Variants in PLAGL1 observed in about 807,000 individuals in gnomAD.
PLAGL1 encodes PLAG1 like zinc finger 1.
Under a neutral mutation model 4.6 loss-of-function variants are expected in PLAGL1, and 1 was observed. The observed-to-expected ratio is 0.22, with a 90% CI of 0.08 to 1.03. The LOEUF (loss-of-function observed/expected upper bound fraction) is 1.03, where lower values mean the gene tolerates loss of function less well. PLAGL1 is among the 50% of genes least tolerant of loss of function. The pLI is 0.58. For synonymous variants in PLAGL1, 240 were observed against 237.8 expected (o/e 1.01, Z -0.08); for missense variants, 464 against 570.4 (o/e 0.81, Z 1.90).
intron 1 of PLAGL1, among the ~76,000 whole-genome samples, chr6:144,031,120 A>T (rs181420586): frequency 1.3e-4 from 20 of 152,200 alleles, no homozygotes; most frequent in Admixed American, 1.3e-3. Flanking sequence ...GCATTTTTCC[A>T]TATGCTTGTT....
At chr6:143,987,534 G>C (rs1049571462) in intron 1 of PLAGL1, among the ~76,000 whole-genome samples, 3 of 138,000 alleles carry the variant, frequency 2.2e-5, no homozygotes, top group Non-Finnish European at 3.0e-5. Flanking sequence ...TCCCACCTTG[G>C]CCTCCCAAAG....
rs748199138 is a variant in PLAGL1, at chr6:144,063,557, C to T, written c.-151+911G>A. On this transcript the variant is annotated intron_variant, in intron 1 of 3. Coordinates refer to the PLAGL1 transcript ENST00000437412. This position sits in a 1 kb window ranked among gnomAD's most constrained non-coding sequence, Gnocchi z 5.7. ...AAACCCTGTCATATCATTATTTATT[C>T]CGTGAATACATCGGAGTTCTGTTCT... 6.6e-6 allele frequency among the ~76,000 whole-genome samples: 1 copy of T among 152,216 alleles called. No homozygotes were observed. Among genetic ancestry groups the T allele is most frequent in the Non-Finnish European group, 1.5e-5 (1 of 68,034 alleles).
At position 143,985,982 on chromosome 6, in the gene PLAGL1, T is replaced by TTA. The variant is rs55768066; in HGVS notation, c.-583-810_-583-809dup. Among the ~76,000 whole-genome samples, 11,591 of 111,272 alleles carry TTA rather than the reference T, an allele frequency of 0.1. 976 individuals are homozygous for TTA. The highest frequency in any genetic ancestry group is 0.19 in the African/African-American group (5,474 of 28,792). 73.0% of individuals were successfully genotyped at this position (111,272 alleles called of 152,430 possible). On this transcript the variant is annotated intron_variant, in intron 1 of 7. Coordinates refer to ENST00000674357, the MANE Select transcript of PLAGL1 (RefSeq NM_001317162.2). The surrounding 1 kb of genome is among the most constrained non-coding windows in gnomAD (Gnocchi z 4.4). ...TATATCAAATTATATATATATAAAA[T>TTA]TATATATATATATATATATATATAT...
Position 144,005,506 on chromosome 6 carries a change from A to G in PLAGL1, c.-584+2584T>C, listed in dbSNP as rs1440711493. 6.6e-6 allele frequency: 1 copy of G among 152,184 alleles called. No homozygotes were observed. The highest frequency in any genetic ancestry group is 2.4e-5 in the African/African-American group (1 of 41,472). The allele number at this position is 152,184 out of a possible 1,614,324, so 9.4% of individuals were successfully genotyped here. On this transcript the variant is annotated intron_variant, in intron 1 of 7. Transcript: ENST00000674357. This position sits in a 1 kb window ranked among gnomAD's most constrained non-coding sequence, Gnocchi z 4.6. ...CTGAAAATTAATTAAGCTTGATCTC[A>G]TAACATAAAATATATACATCTCAAT...
chr6:143,976,289 T>TC (rs2128593063), intron 2 of PLAGL1, among the ~76,000 whole-genome samples: 1 of 148,862 alleles, frequency 6.7e-6, no homozygotes, highest in African/African-American at 2.4e-5. Context: ...TCTTTTCTTT[T>TC]TTTTTTTTTT....
chr6:144,010,937 C>T (rs191831180), upstream of PLAGL1, among the ~76,000 whole-genome samples: 8 of 152,286 alleles, frequency 5.3e-5, no homozygotes, highest in African/African-American at 7.2e-5. The surrounding 1 kb of genome is among the most constrained non-coding windows in gnomAD (Gnocchi z 4.1). Flanking sequence ...CTTCGTTACA[C>T]CTTATACAAA....
At chr6:144,012,954 T>C (rs1052092366), upstream of PLAGL1, among the ~76,000 whole-genome samples, 3 of 152,242 alleles carry the variant, frequency 2.0e-5, no homozygotes, top group Admixed American at 2.0e-4. The surrounding 1 kb of genome is among the most constrained non-coding windows in gnomAD (Gnocchi z 4.8). Context: ...TGCATAATTT[T>C]CAAGGGAAGT....
At chr6:143,991,706 G>A (rs554846889) in intron 1 of PLAGL1, among the ~76,000 whole-genome samples, 1 of 152,284 alleles carries the variant, frequency 6.6e-6, no homozygotes, top group Middle Eastern at 3.4e-3. Flanking sequence ...CCTCTCCTAG[G>A]CTATGCTCCT....
At chr6:144,001,298 C>T (rs1792829278) in intron 1 of PLAGL1, among the ~76,000 whole-genome samples, 1 of 151,910 alleles carries the variant, frequency 6.6e-6, no homozygotes, top group Non-Finnish European at 1.5e-5. Flanking sequence ...TAGATAATAG[C>T]TCAAAGACTA....
rs1402759670 is a variant in PLAGL1 at position 143,968,423 on chromosome 6, A to G, written c.-472+484T>C. The G allele has an allele frequency of 1.3e-5, 2 of 152,146 alleles. No homozygotes were observed. The highest frequency in any genetic ancestry group is 2.9e-5 in the Non-Finnish European group (2 of 68,032). 9.4% of individuals were successfully genotyped at this position (152,146 alleles called of 1,614,324 possible). ...GACTCTGAATTGTAACATACGTTAC[A>G]TTCTAGATATCTGATTCTAAATGGT... On this transcript the variant is annotated intron_variant, in intron 3 of 7. Transcript: ENST00000674357. This position sits in a 1 kb window ranked among gnomAD's most constrained non-coding sequence, Gnocchi z 6.3.
At chr6:144,020,516 T>A (rs1795891310) in intron 1 of PLAGL1, among the ~76,000 whole-genome samples, 1 of 152,104 alleles carries the variant, frequency 6.6e-6, no homozygotes, top group African/African-American at 2.4e-5. Flanking sequence ...CTCGAACTCC[T>A]GACCTTGTAT....
Position 143,943,031 on chromosome 6 carries a change from A to ATTTTTTTTTTTTTTTTTTTTT in PLAGL1, c.153-369_153-368insAAAAAAAAAAAAAAAAAAAAA, listed in dbSNP as rs61216054. Among the ~76,000 whole-genome samples the ATTTTTTTTTTTTTTTTTTTTT allele has an allele frequency of 2.2e-4, 14 of 64,646 alleles. 1 individual carries two copies. The highest frequency in any genetic ancestry group is 6.8e-4 in the African/African-American group (13 of 19,114). The allele number at this position is 64,646 out of a possible 152,430, so 42.4% of individuals were successfully genotyped here. On this transcript the variant is annotated intron_variant, in intron 7 of 7. Coordinates refer to ENST00000674357, the MANE Select transcript of PLAGL1 (RefSeq NM_001317162.2). ...AGGCACACACCACCAGGCCTGGCTA[A>ATTTTTTTTTTTTTTTTTTTTT]TTTTTTTTTTTTTTTTTTTGAGACA...
At chr6:144,030,403 A>G (rs1796725397) in intron 1 of PLAGL1, among the ~76,000 whole-genome samples, 1 of 151,828 alleles carries the variant, frequency 6.6e-6, no homozygotes, top group Non-Finnish European at 1.5e-5. Context: ...TTGCATGAAT[A>G]AATTCTTTAG....
chr6:143,978,733 T>C lies in PLAGL1; in HGVS notation c.-544+6402A>G, dbSNP rs76061566. Among the ~76,000 whole-genome samples, 3,534 of 152,306 alleles carry C rather than the reference T, an allele frequency of 0.023. 127 individuals are homozygous for C. Among genetic ancestry groups the C allele is most frequent in the African/African-American group, 0.081 (3,356 of 41,570 alleles). Reference sequence around the variant, plus strand: ...TTGACTTATTTTCCCACCCAGAATATGGTCTATCTTGAAAAATGTTCTGGC... The same window carrying C: ...TTGACTTATTTTCCCACCCAGAATACGGTCTATCTTGAAAAATGTTCTGGC... On this transcript the variant is annotated intron_variant, in intron 2 of 7. Coordinates refer to ENST00000674357, the MANE Select transcript of PLAGL1 (RefSeq NM_001317162.2). This position sits in a 1 kb window ranked among gnomAD's most constrained non-coding sequence, Gnocchi z 4.6.
rs1055790935 is a variant in PLAGL1, at chr6:144,022,600, T to G, written c.-151+41868A>C. Among the ~76,000 whole-genome samples, 25 of 152,200 alleles carry G rather than the reference T, an allele frequency of 1.6e-4. No homozygotes were observed. Among genetic ancestry groups the G allele is most frequent in the African/African-American group, 5.8e-4 (24 of 41,452 alleles). On this transcript the variant is annotated intron_variant, in intron 1 of 3. Coordinates refer to the PLAGL1 transcript ENST00000437412. The surrounding 1 kb of genome is among the most constrained non-coding windows in gnomAD (Gnocchi z 4.2). The stretch of plus-strand genomic sequence containing the variant: ...GGATCTGGTGCTGGTAATTGAATCA[T>G]GGGGACAGGTCTTTCCCATGCTGTT...
intron 1 of PLAGL1, among the ~76,000 whole-genome samples, chr6:144,057,891 C>G (rs1799102513): frequency 6.6e-6 from 1 of 151,462 alleles, no homozygotes; most frequent in Admixed American, 6.6e-5. Context: ...ATTACTATTG[C>G]AGTTTTAACT....
At chr6:144,007,577 T>A (rs1794528624) in intron 1 of PLAGL1, 1 of 152,228 alleles carries the variant, frequency 6.6e-6, no homozygotes, top group Non-Finnish European at 1.5e-5. Flanking sequence ...AGTCGCATTA[T>A]CAGCTGTCCC....
intron 1 of PLAGL1, among the ~76,000 whole-genome samples, chr6:144,018,722 A>T (rs970253153): frequency 2.6e-5 from 4 of 152,216 alleles, no homozygotes; most frequent in Non-Finnish European, 4.4e-5. Flanking sequence ...CAAGAACTTT[A>T]AAAAAAGTTA....
chr6:143,988,488 C>T (rs1480858471), intron 1 of PLAGL1, among the ~76,000 whole-genome samples: 1 of 152,184 alleles, frequency 6.6e-6, no homozygotes, highest in African/African-American at 2.4e-5. Flanking sequence ...AAGGCAAGAC[C>T]TGGCATCAGG....
Sources: allele counts gnomAD v4.1 joint callset (sites outside exome capture counted in the v4.1 genomes callset), GRCh38; gene constraint gnomAD v4.1.1; non-coding constraint Gnocchi (gnomAD v3.1); transcripts MANE v1.5; gene names NCBI Gene and HGNC (gene_info 2026-07-23, HGNC 2026-07-21).